The following AUTS2 variants were observed in gnomAD, a reference collection of about 807,000 sequenced individuals.
AUTS2 encodes autism susceptibility gene 2 protein.
A neutral mutation model predicts 112.4 loss-of-function variants in AUTS2; 17 were observed. That is an observed-to-expected ratio of 0.15 (90% CI 0.10 to 0.23). The LOEUF is 0.23. AUTS2 is among the 10% of genes least tolerant of loss of function. AUTS2 has a pLI of 1.00. For missense variants in AUTS2, 1,510 were observed against 1,701.6 expected (o/e 0.89, Z 1.98); for synonymous variants, 751 against 702.7 (o/e 1.07, Z -1.09).
chr7:70,232,266 G>A (rs1280241281), intron 4 of AUTS2, among the ~76,000 whole-genome samples: 1 of 152,096 alleles, frequency 6.6e-6, no homozygotes, highest in Non-Finnish European at 1.5e-5. Context: ...CTTATTGTGG[G>A]ACATTTGGGT....
At chr7:70,053,260 G>A (rs1801834976) in intron 2 of AUTS2, among the ~76,000 whole-genome samples, 2 of 152,050 alleles carry the variant, frequency 1.3e-5, no homozygotes, top group African/African-American at 4.8e-5. Flanking sequence ...TGGGGAAGGT[G>A]TTCCTTATTA....
intron 4 of AUTS2, among the ~76,000 whole-genome samples, chr7:70,192,557 A>G (rs1165887745): frequency 1.3e-5 from 2 of 152,226 alleles, no homozygotes; most frequent in Non-Finnish European, 2.9e-5. Flanking sequence ...GGGCCAGAGC[A>G]TGAAATAAGT....
At chr7:69,783,603 G>A (rs1188160828) in intron 1 of AUTS2, among the ~76,000 whole-genome samples, 1 of 152,044 alleles carries the variant, frequency 6.6e-6, no homozygotes, top group African/African-American at 2.4e-5. Flanking sequence ...ATGGCTATTA[G>A]GGAAGGACTT....
intron 5 of AUTS2, among the ~76,000 whole-genome samples, chr7:70,482,839 G>A (rs986567150): frequency 2.0e-5 from 3 of 151,958 alleles, no homozygotes; most frequent in Admixed American, 6.6e-5. Context: ...AGGTAGGTAG[G>A]TAGATAGAGA....
chr7:70,112,716 C>T lies in AUTS2; in HGVS notation c.523-5416C>T, dbSNP rs545534900. Among the ~76,000 whole-genome samples the T allele has an allele frequency of 9.3e-5, 14 of 151,062 alleles. No homozygotes were observed. In the East Asian group the frequency reaches 2.5e-3, roughly 27 times the overall value. Reference sequence around the variant, plus strand: ...TTATTTCTAACCTTTTGTCTTTTTCCCTCTCTCTTTTTTTAAATTTAGGAG... The same window carrying T: ...TTATTTCTAACCTTTTGTCTTTTTCTCTCTCTCTTTTTTTAAATTTAGGAG... On this transcript the variant is annotated intron_variant, in intron 2 of 18. Transcript: ENST00000342771.
intron 1 of AUTS2, among the ~76,000 whole-genome samples, chr7:69,829,506 G>A (rs1791403330): frequency 7.2e-5 from 11 of 152,014 alleles, no homozygotes; most frequent in Admixed American, 7.2e-4. Flanking sequence ...AAGGTCTAAT[G>A]TCCAGAATTT....
chr7:69,734,287 G>A (rs1786930910), intron 1 of AUTS2, among the ~76,000 whole-genome samples: 1 of 151,460 alleles, frequency 6.6e-6, no homozygotes, highest in Admixed American at 6.6e-5. Context: ...GAGATTGAAG[G>A]GCTGCCATTT....
At chr7:70,303,894 T>C (rs980740362) in intron 4 of AUTS2, among the ~76,000 whole-genome samples, 1 of 152,198 alleles carries the variant, frequency 6.6e-6, no homozygotes, top group Non-Finnish European at 1.5e-5. Flanking sequence ...TTGTGTGATA[T>C]AGGAAGGGGA....
chr7:70,011,601 C>T (rs987598999), intron 2 of AUTS2, among the ~76,000 whole-genome samples: 3 of 152,056 alleles, frequency 2.0e-5, no homozygotes, highest in African/African-American at 7.2e-5. Context: ...GGTCCTGAGC[C>T]CCATGGAAAC....
intron 5 of AUTS2, among the ~76,000 whole-genome samples, chr7:70,630,161 T>G (rs1480891036): frequency 1.3e-5 from 2 of 152,120 alleles, no homozygotes; most frequent in Admixed American, 6.5e-5. Flanking sequence ...CCAGGAGAGC[T>G]CTATATTGCA....
chr7:69,949,406 A>G (rs1305021942), intron 2 of AUTS2, among the ~76,000 whole-genome samples: 1 of 152,116 alleles, frequency 6.6e-6, no homozygotes, highest in Non-Finnish European at 1.5e-5. Context: ...TGTAGGTGCT[A>G]TTTTTGTCCA....
chr7:69,759,791 T>A (rs1175888996), intron 1 of AUTS2, among the ~76,000 whole-genome samples: 2 of 38,492 alleles, frequency 5.2e-5, no homozygotes, highest in East Asian at 2.2e-3. Flanking sequence ...CCCCCCCCCA[T>A]ATAAAGGACT....
intron 5 of AUTS2, among the ~76,000 whole-genome samples, chr7:70,574,503 T>C (rs1802078110): frequency 2.0e-5 from 3 of 152,218 alleles, no homozygotes; most frequent in Non-Finnish European, 4.4e-5. Flanking sequence ...GCCCTCTCTG[T>C]ACTTTGGCCT....
chr7:70,528,099 T>TTA (rs1472779008), intron 5 of AUTS2, among the ~76,000 whole-genome samples: 1 of 92,774 alleles, frequency 1.1e-5, no homozygotes, highest in African/African-American at 5.7e-5. Context: ...AAGGATTTTT[T>TTA]TTTTTTTTTT....
At chr7:69,741,705 A>T (rs1787271887) in intron 1 of AUTS2, among the ~76,000 whole-genome samples, 2 of 141,896 alleles carry the variant, frequency 1.4e-5, no homozygotes, top group African/African-American at 5.1e-5. Context: ...ACCCTGTCTT[A>T]AAAAAAAAAA....
At chr7:70,434,127 G>A (rs1401124798) in intron 4 of AUTS2, among the ~76,000 whole-genome samples, 3 of 152,120 alleles carry the variant, frequency 2.0e-5, no homozygotes, top group Admixed American at 6.5e-5. Context: ...AAAGGCAGGT[G>A]GTTCCTTCTT....
chr7:70,027,303 C>G (rs767125691), intron 2 of AUTS2, among the ~76,000 whole-genome samples: 7 of 152,142 alleles, frequency 4.6e-5, no homozygotes, highest in African/African-American at 1.7e-4. Context: ...TTAGCCTTGT[C>G]GGGTTTTCCT....
intron 1 of AUTS2, among the ~76,000 whole-genome samples, chr7:69,765,998 T>C (rs1159823567): frequency 6.6e-6 from 1 of 152,174 alleles, no homozygotes; most frequent in African/African-American, 2.4e-5. Flanking sequence ...AAATTTACCA[T>C]GTACAGTTCA....
At chr7:70,729,852 TTGTATGTATGTATGTATGTA>T (rs56233310) in intron 6 of AUTS2, among the ~76,000 whole-genome samples, 3 of 148,750 alleles carry the variant, frequency 2.0e-5, no homozygotes, top group Admixed American at 1.3e-4. Context: ...TGTTTGCCCA[TTGTATGTATGTATGTATGTA>T]TGTATGTATG....
Sources: gnomAD v4.1 joint callset for allele counts (sites outside exome capture counted in the v4.1 genomes callset) on GRCh38, gnomAD v4.1.1 for gene constraint, MANE v1.5 for transcripts, NCBI Gene and HGNC (gene_info 2026-07-23, HGNC 2026-07-21) for gene names.